CHST9: variants seen among roughly 807,000 people sequenced by gnomAD.
The protein encoded by CHST9 is carbohydrate sulfotransferase 9.
In CHST9, 41 loss-of-function variants were observed where a neutral mutation model predicts 44.4. The observed-to-expected ratio is 0.92, with a 90% CI of 0.72 to 1.20. CHST9 has a LOEUF of 1.20. Ranked by LOEUF, CHST9 falls within the 50% of genes most tolerant of loss-of-function variation. CHST9 has a pLI of 0.00. For synonymous variants in CHST9, 171 were observed against 178.4 expected, an observed-to-expected ratio of 0.96 and a Z score of 0.33; for missense variants, 504 against 516.5, an observed-to-expected ratio of 0.98 and a Z score of 0.23.
chr18:27,113,892 T>C (rs2058297203), intron 2 of CHST9, among the ~76,000 whole-genome samples: 1 of 152,212 alleles, frequency 6.6e-6, no homozygotes, highest in Non-Finnish European at 1.5e-5. Flanking sequence ...TATCAAATGG[T>C]GAATTTGTAA....
chr18:26,987,124 C>T (rs983665090), intron 4 of CHST9, among the ~76,000 whole-genome samples: 1 of 152,112 alleles, frequency 6.6e-6, no homozygotes, highest in African/African-American at 2.4e-5. Context: ...TCATGGGGGC[C>T]GATCCTTCAT....
chr18:27,093,881 CT>C (rs11296129), intron 2 of CHST9, among the ~76,000 whole-genome samples: 118,886 of 147,354 alleles, frequency 0.81, 48,104 homozygotes, highest in East Asian at 0.91. Flanking sequence ...CCTTCCCTTC[CT>C]TTTTTTTTTT....
intron 3 of CHST9, among the ~76,000 whole-genome samples, chr18:27,036,282 C>G (rs2057389752): frequency 6.6e-6 from 1 of 152,120 alleles, no homozygotes; most frequent in African/African-American, 2.4e-5. Context: ...ACTTCCACCT[C>G]TCCTTTATCT....
chr18:27,071,941 T>C (rs558935063), intron 2 of CHST9, among the ~76,000 whole-genome samples: 2 of 152,344 alleles, frequency 1.3e-5, no homozygotes, highest in African/African-American at 2.4e-5. Flanking sequence ...ATATATTTTA[T>C]TACCAATTGG....
intron 2 of CHST9, among the ~76,000 whole-genome samples, chr18:27,055,822 C>T (rs909812175): frequency 1.3e-5 from 2 of 152,054 alleles, no homozygotes; most frequent in Non-Finnish European, 2.9e-5. Context: ...ATTTGGAGTT[C>T]GATGGACTAA....
chr18:26,947,374 G>A (rs1246657275), intron 4 of CHST9, among the ~76,000 whole-genome samples: 1 of 152,090 alleles, frequency 6.6e-6, no homozygotes, highest in African/African-American at 2.4e-5. Flanking sequence ...AACACCAAAA[G>A]CAATGGCAAA....
intron 4 of CHST9, among the ~76,000 whole-genome samples, chr18:26,972,520 G>A (rs2056562927): frequency 6.9e-6 from 1 of 144,100 alleles, no homozygotes; most frequent in South Asian, 2.2e-4. Context: ...GAGCATGGCC[G>A]TGTGTTTAGG....
chr18:27,069,448 G>GA (rs1383525724), intron 2 of CHST9, among the ~76,000 whole-genome samples: 1 of 152,038 alleles, frequency 6.6e-6, no homozygotes, highest in African/African-American at 2.4e-5. Context: ...GAAAAAGTGA[G>GA]AAAATGTATG....
Position 27,138,241 on chromosome 18 carries a change from T to A in CHST9, c.121+4448A>T, listed in dbSNP as rs1446502864. 2.0e-5 allele frequency among the ~76,000 whole-genome samples: 3 copies of A among 152,312 alleles called. No individual in the cohort carries two copies. The East Asian group carries it at 5.8e-4, about 29-fold the overall frequency. ...ACTCTCCTTGAGAAAAAGGATTATATCTGGCTCACTATTACATGCCTGTAT... is the reference window on the plus strand; with the variant it reads ...ACTCTCCTTGAGAAAAAGGATTATAACTGGCTCACTATTACATGCCTGTAT... On this transcript the variant is annotated intron_variant, in intron 2 of 5. Transcript: ENST00000618847.
intron 2 of CHST9, among the ~76,000 whole-genome samples, chr18:27,076,839 A>AG (rs2057909619): frequency 6.6e-6 from 1 of 152,206 alleles, no homozygotes. Context: ...TGATGGGAAA[A>AG]GGAGACGAGG....
At chr18:26,938,879 G>T (rs371236385) in intron 5 of CHST9, among the ~76,000 whole-genome samples, 4 of 152,160 alleles carry the variant, frequency 2.6e-5, no homozygotes, top group African/African-American at 7.2e-5. Flanking sequence ...AGGATACCTT[G>T]TTCCTGCCTT....
At chr18:26,984,788 ATAAAAAAGTCTATAT>A (rs2056735230) in intron 4 of CHST9, among the ~76,000 whole-genome samples, 1 of 152,088 alleles carries the variant, frequency 6.6e-6, no homozygotes, top group African/African-American at 2.4e-5. Flanking sequence ...CATGAGGAAA[ATAAAAAAGTCTATAT>A]TGTACACACT....
At position 26,916,111 on chromosome 18, in the gene CHST9, G is replaced by T; in HGVS notation, c.*148C>A. 4.7e-6 allele frequency: 3 copies of T among 634,356 alleles called. No individual in the cohort carries two copies. The highest frequency in any genetic ancestry group is 2.4e-5 in the South Asian group (1 of 42,382). 39.3% of individuals were successfully genotyped at this position (634,356 alleles called of 1,614,324 possible). A position where few individuals can be genotyped will look rare whatever the true frequency, so the allele number is the denominator to read the frequency against. On this transcript the variant is annotated 3_prime_UTR_variant, in exon 6 of 6. Coordinates refer to ENST00000618847, the MANE Select transcript of CHST9 (RefSeq NM_031422.6). ...TTTTCCTATAACTTTGTGCCAATTG[G>T]TGTCATACTATTTGGTAAAAATCTA...
At chr18:27,113,718 A>G (rs2143789266) in intron 2 of CHST9, among the ~76,000 whole-genome samples, 1 of 152,296 alleles carries the variant, frequency 6.6e-6, no homozygotes. Flanking sequence ...TAGACTTCCC[A>G]GTTTCTAGAA....
At chr18:27,013,017 CTG>C (rs2057104265) in intron 4 of CHST9, among the ~76,000 whole-genome samples, 1 of 152,228 alleles carries the variant, frequency 6.6e-6, no homozygotes, top group Admixed American at 6.5e-5. Context: ...TCATATACCT[CTG>C]TCAAACTGGT....
rs974894859 is a variant in CHST9, at chr18:26,906,832, G to C, written c.*9427C>G. On this transcript the variant is annotated 3_prime_UTR_variant, in exon 6 of 6. Coordinates refer to ENST00000618847, the MANE Select transcript of CHST9 (RefSeq NM_031422.6). ...TTAGGAAGTGTTGGGGAGGTGAAGG[G>C]GGGTAGGTGGGTGCCCTAATAGAGG... The C allele has an allele frequency of 1.3e-5, 2 of 152,232 alleles. No individual in the cohort carries two copies. The highest frequency in any genetic ancestry group is 2.9e-5 in the Non-Finnish European group (2 of 68,100). The allele number at this position is 152,232 out of a possible 1,614,324, so 9.4% of individuals were successfully genotyped here. A position where few individuals can be genotyped will look rare whatever the true frequency, so the allele number is the denominator to read the frequency against.
intron 2 of CHST9, among the ~76,000 whole-genome samples, chr18:27,135,050 T>C (rs913901480): frequency 2.6e-5 from 4 of 152,202 alleles, no homozygotes; most frequent in African/African-American, 9.6e-5. Flanking sequence ...AAGTGTTTTT[T>C]ACCACAAAAA....
At chr18:27,173,660 T>C (rs1896191) in intron 1 of CHST9, among the ~76,000 whole-genome samples, 1,688 of 152,088 alleles carry the variant, frequency 0.011, 39 homozygotes, top group African/African-American at 0.038. Context: ...ATATAAATTA[T>C]GGAATTATTA....
chr18:26,979,907 A>AT (rs2056671190), intron 4 of CHST9, among the ~76,000 whole-genome samples: 1 of 152,078 alleles, frequency 6.6e-6, no homozygotes, highest in Non-Finnish European at 1.5e-5. Context: ...TTTTAAACGT[A>AT]TTTTTTCTGT....
Sources: gnomAD v4.1 joint callset for allele counts (sites outside exome capture counted in the v4.1 genomes callset) on GRCh38, gnomAD v4.1.1 for gene constraint, MANE v1.5 for transcripts, NCBI Gene and HGNC (gene_info 2026-07-23, HGNC 2026-07-21) for gene names.